The following LGR4 variants were observed in gnomAD, a reference collection of about 807,000 sequenced individuals.
LGR4 encodes the protein leucine rich repeat containing G protein-coupled receptor 4.
A neutral mutation model predicts 84.8 loss-of-function variants in LGR4; 44 were observed. The observed-to-expected ratio is 0.52, with a 90% CI of 0.41 to 0.67. The LOEUF (loss-of-function observed/expected upper bound fraction) is 0.67. LGR4 is among the 30% of genes least tolerant of loss of function. The probability of loss-of-function intolerance (pLI) is 0.00; values close to 1 mark genes in which losing one functional copy is unlikely to be tolerated. For synonymous variants in LGR4, 429 were observed against 434.3 expected, an observed-to-expected ratio of 0.99 and a Z score of 0.15; for missense variants, 1,032 against 1,131.4, an observed-to-expected ratio of 0.91 and a Z score of 1.26.
chr11:27,378,137 T>C (rs1863023888), intron 11 of LGR4, among the ~76,000 whole-genome samples: 1 of 152,216 alleles, frequency 6.6e-6, no homozygotes, highest in South Asian at 2.1e-4. Context: ...ATTCCTATTG[T>C]TAAGTGGATG....
chr11:27,425,914 C>T (rs1468939619), intron 1 of LGR4, among the ~76,000 whole-genome samples: 2 of 152,126 alleles, frequency 1.3e-5, no homozygotes, highest in Non-Finnish European at 2.9e-5. Context: ...CTCCCTGGAC[C>T]CCTATGCTCC....
chr11:27,388,909 C>T (rs974064560), intron 4 of LGR4, among the ~76,000 whole-genome samples: 1 of 152,062 alleles, frequency 6.6e-6, no homozygotes, highest in African/African-American at 2.4e-5. Flanking sequence ...TAATACCCTG[C>T]TGAGGTAATG....
At position 27,472,209 on chromosome 11, in the gene LGR4, G is replaced by T; in HGVS notation, c.94C>A (p.Pro32Thr). 3 of 1,382,348 alleles carry T rather than the reference G, an allele frequency of 2.2e-6. No homozygotes were observed. The highest frequency in any genetic ancestry group is 2.8e-6 in the Non-Finnish European group (3 of 1,067,638). The allele number at this position is 1,382,348 out of a possible 1,614,324, so 85.6% of individuals were successfully genotyped here. A position where few individuals can be genotyped will look rare whatever the true frequency, so the allele number is the denominator to read the frequency against. ...SGAAPPLCAAPCSCDGDRRVD... is the reference protein window; with the variant it reads ...SGAAPPLCAATCSCDGDRRVD... ...CGACGGTCGCCGTCGCAGCTGCAGGGCGCCGCGCAGAGAGGCGGCGCCGCG... is the reference window on the plus strand; with the variant it reads ...CGACGGTCGCCGTCGCAGCTGCAGGTCGCCGCGCAGAGAGGCGGCGCCGCG... Residue 32 changes from proline to threonine, a missense_variant, in exon 1 of 18, where the codon CCC becomes ACC. By Grantham distance (38) the Pro-to-Thr change is conservative (BLOSUM62 -1). Coordinates refer to ENST00000379214, the MANE Select transcript of LGR4 (RefSeq NM_018490.5).
At chr11:27,404,540 T>C (rs151150950) in intron 2 of LGR4, among the ~76,000 whole-genome samples, 38 of 152,312 alleles carry the variant, frequency 2.5e-4, no homozygotes, top group African/African-American at 8.2e-4. Context: ...ATAACTATGG[T>C]TTCTTTCTGC....
At position 27,366,832 on chromosome 11, in the gene LGR4, T is replaced by C. The variant is rs1862773490; in HGVS notation, c.*1035A>G. ...AAGATGTATGGAAATTTCCATTTAA[T>C]AGCACAGGTTCAAGATAATCCAGCT... On this transcript the variant is annotated 3_prime_UTR_variant, in exon 18 of 18. Coordinates refer to ENST00000379214, the MANE Select transcript of LGR4 (RefSeq NM_018490.5). 1.3e-5 allele frequency: 2 copies of C among 152,156 alleles called. No homozygotes were observed. The highest frequency in any genetic ancestry group is 4.8e-5 in the African/African-American group (2 of 41,448). The allele number at this position is 152,156 out of a possible 1,614,324, so 9.4% of individuals were successfully genotyped here. A position where few individuals can be genotyped will look rare whatever the true frequency, so the allele number is the denominator to read the frequency against.
intron 5 of LGR4, 90 bp downstream of exon 5, chr11:27,385,163 G>A (rs1052199835): frequency 6.4e-5 from 58 of 908,054 alleles, no homozygotes; most frequent in Non-Finnish European, 9.2e-5. Context: ...CATATTCAGC[G>A]AGATGCCTTG....
intron 4 of LGR4, among the ~76,000 whole-genome samples, chr11:27,390,234 T>G (rs974350475): frequency 6.6e-6 from 1 of 152,294 alleles, no homozygotes; most frequent in Non-Finnish European, 1.5e-5. Flanking sequence ...TTTTCTAACT[T>G]GCGTGCATTT....
intron 2 of LGR4, 124 bp from the exon 3 acceptor site, chr11:27,392,642 A>C: frequency 1.3e-6 from 1 of 760,224 alleles, no homozygotes. Context: ...TCTATCTGAC[A>C]TTAAACGTGG....
At chr11:27,401,052 A>T (rs1323928389) in intron 2 of LGR4, among the ~76,000 whole-genome samples, 1 of 152,190 alleles carries the variant, frequency 6.6e-6, no homozygotes, top group African/African-American at 2.4e-5. Flanking sequence ...ATATGTAAAA[A>T]TTTTATATGT....
chr11:27,406,388 G>A (rs1863610114), intron 2 of LGR4, among the ~76,000 whole-genome samples: 1 of 152,084 alleles, frequency 6.6e-6, no homozygotes, highest in South Asian at 2.1e-4. Context: ...AGGCAGATCT[G>A]GGATTGACAC....
intron 1 of LGR4, among the ~76,000 whole-genome samples, chr11:27,413,862 T>C (rs1329148457): frequency 1.3e-5 from 2 of 152,108 alleles, no homozygotes; most frequent in African/African-American, 4.8e-5. Context: ...CAGGTAAAAT[T>C]TTCTTTTAAA....
chr11:27,424,361 G>A (rs184226612), intron 1 of LGR4, among the ~76,000 whole-genome samples: 2 of 152,274 alleles, frequency 1.3e-5, no homozygotes, highest in African/African-American at 4.8e-5. Context: ...GCAACATAGT[G>A]AGGCTGCTCG....
At chr11:27,393,367 C>G (rs1863320987) in intron 2 of LGR4, among the ~76,000 whole-genome samples, 1 of 152,068 alleles carries the variant, frequency 6.6e-6, no homozygotes, top group Non-Finnish European at 1.5e-5. Flanking sequence ...TTCATATGAT[C>G]AAACACAGGA....
chr11:27,453,145 C>G (rs1231198596), intron 1 of LGR4, among the ~76,000 whole-genome samples: 1 of 151,672 alleles, frequency 6.6e-6, no homozygotes. Context: ...CTCAGCTCAC[C>G]ACAACCTCCA....
intron 1 of LGR4, among the ~76,000 whole-genome samples, chr11:27,431,302 C>T (rs1352531830): frequency 6.6e-6 from 1 of 152,164 alleles, no homozygotes; most frequent in Non-Finnish European, 1.5e-5. Context: ...TATTAACAAA[C>T]TTTCCATGTG....
chr11:27,471,132 G>C (rs1478377613), intron 1 of LGR4, among the ~76,000 whole-genome samples: 2 of 151,954 alleles, frequency 1.3e-5, no homozygotes, highest in African/African-American at 4.8e-5. Flanking sequence ...TCCTCTATCC[G>C]TGGCCTTTGC....
chr11:27,412,844 T>C lies in LGR4; in HGVS notation c.202A>G (p.Asn68Asp), dbSNP rs142775802. The part of the protein sequence containing the change: ...FTQALDISMN[N>D]ITQLPEDAFK... Reference sequence around the variant, plus strand: ...GCATCTTCTGGCAACTGAGTAATGTTGTTCATACTGATATCCCTGGAAAAC... The same window carrying C: ...GCATCTTCTGGCAACTGAGTAATGTCGTTCATACTGATATCCCTGGAAAAC... Residue 68 changes from asparagine to aspartate, a missense_variant, in exon 2 of 18, where the codon AAC (asparagine) becomes GAC (aspartate). Physicochemically the swap from Asn to Asp is conservative, Grantham distance 23. Coordinates refer to ENST00000379214, the MANE Select transcript of LGR4 (RefSeq NM_018490.5). 3 of 1,600,188 alleles carry C rather than the reference T, an allele frequency of 1.9e-6. No individual in the cohort carries two copies. Among genetic ancestry groups the C allele is most frequent in the African/African-American group, 1.3e-5 (1 of 74,688 alleles).
chr11:27,407,315 C>T (rs958891839), intron 2 of LGR4, among the ~76,000 whole-genome samples: 3 of 152,194 alleles, frequency 2.0e-5, no homozygotes, highest in Middle Eastern at 3.4e-3. Flanking sequence ...CCCTTTAGCT[C>T]CCCTCCAATT....
intron 1 of LGR4, among the ~76,000 whole-genome samples, chr11:27,445,951 T>C (rs183157636): frequency 6.6e-6 from 1 of 152,234 alleles, no homozygotes; most frequent in Admixed American, 6.5e-5. Context: ...GCAAGTTAAT[T>C]AATAAAATGT....
Sources: gnomAD v4.1 joint callset for allele counts (sites outside exome capture counted in the v4.1 genomes callset) on GRCh38, gnomAD v4.1.1 for gene constraint, MANE v1.5 for transcripts, NCBI Gene and HGNC (gene_info 2026-07-23, HGNC 2026-07-21) for gene names.